The following TDRD3 variants were observed in gnomAD, a reference collection of about 807,000 sequenced individuals.
TDRD3 encodes tudor domain containing 3, also known as tudor domain-containing protein 3.
TDRD3 carries 45 observed loss-of-function variants against 86.7 expected under a neutral mutation model. The observed-to-expected ratio is 0.52, with a 90% confidence interval of 0.41 to 0.67. The LOEUF (loss-of-function observed/expected upper bound fraction) is 0.67, where lower values mean the gene tolerates loss of function less well. Ranked by LOEUF, TDRD3 falls within the 30% of genes least tolerant of loss-of-function variation. TDRD3 has a pLI of 0.00. For synonymous variants in TDRD3, 298 were observed against 301.7 expected (o/e 0.99, Z 0.13); for missense variants, 814 against 889.0 (o/e 0.92, Z 1.07).
At chr13:60,404,732 G>A (rs141617380) in intron 1 of TDRD3, among the ~76,000 whole-genome samples, 2,503 of 152,320 alleles carry the variant, frequency 0.016, 25 homozygotes, top group Middle Eastern at 0.048. Context: ...AGCCTCCTGA[G>A]TAGCTGGGAT....
intron 8 of TDRD3, among the ~76,000 whole-genome samples, chr13:60,494,948 A>T (rs867264687): frequency 6.6e-6 from 1 of 152,214 alleles, no homozygotes; most frequent in African/African-American, 2.4e-5. Flanking sequence ...TTTGGGAAGA[A>T]TATTGTGAAA....
chr13:60,398,225 T>C (rs1365313454), intron 1 of TDRD3, among the ~76,000 whole-genome samples: 1 of 152,028 alleles, frequency 6.6e-6, no homozygotes, highest in Non-Finnish European at 1.5e-5. Flanking sequence ...GGATGAAGGG[T>C]AGGAACGGGG....
At chr13:60,432,075 A>G (rs1415934034) in intron 1 of TDRD3, among the ~76,000 whole-genome samples, 6 of 152,042 alleles carry the variant, frequency 3.9e-5, no homozygotes. Flanking sequence ...ATATTAATAG[A>G]AGAGGTACTT....
At chr13:60,535,013 A>G (rs1957668386) in intron 11 of TDRD3, 95 bp from the exon 12 acceptor site, 1 of 1,421,012 alleles carries the variant, frequency 7.0e-7, no homozygotes. Context: ...AGAATATTAC[A>G]CATTGGAACA....
intron 10 of TDRD3, among the ~76,000 whole-genome samples, chr13:60,523,684 C>T (rs1396630320): frequency 2.0e-5 from 3 of 149,220 alleles, no homozygotes; most frequent in Non-Finnish European, 3.0e-5. Context: ...TCAAGCAATT[C>T]GCCTACCTCA....
At chr13:60,553,407 C>T (rs530422880) in intron 12 of TDRD3, among the ~76,000 whole-genome samples, 20 of 152,188 alleles carry the variant, frequency 1.3e-4, no homozygotes, top group African/African-American at 2.6e-4. Context: ...TTGTATCCTC[C>T]GCCTGTTACC....
At chr13:60,541,492 T>C (rs192293416) in intron 12 of TDRD3, among the ~76,000 whole-genome samples, 6 of 152,016 alleles carry the variant, frequency 3.9e-5, no homozygotes, top group Admixed American at 3.9e-4. Context: ...TTTTTTTTTG[T>C]ATACGTGAAT....
At chr13:60,412,667 G>A (rs1380768032) in intron 1 of TDRD3, among the ~76,000 whole-genome samples, 1 of 151,884 alleles carries the variant, frequency 6.6e-6, no homozygotes, top group Non-Finnish European at 1.5e-5. Flanking sequence ...TTGAATTGGT[G>A]TTATGAAACT....
intron 5 of TDRD3, among the ~76,000 whole-genome samples, chr13:60,479,514 A>G (rs925332803): frequency 2.6e-5 from 4 of 152,154 alleles, no homozygotes; most frequent in East Asian, 1.9e-4. Flanking sequence ...ATTAGGTCCA[A>G]TTGATTGGGT....
At chr13:60,464,833 C>G (rs1184554971) in intron 4 of TDRD3, among the ~76,000 whole-genome samples, 1 of 151,762 alleles carries the variant, frequency 6.6e-6, no homozygotes, top group Non-Finnish European at 1.5e-5. Flanking sequence ...TTAATGGGTA[C>G]AAAAATACAG....
chr13:60,519,747 T>C (rs1374884753), intron 10 of TDRD3, among the ~76,000 whole-genome samples: 1 of 152,204 alleles, frequency 6.6e-6, no homozygotes, highest in Non-Finnish European at 1.5e-5. Context: ...TTGTGTGACC[T>C]TGTCAAGCCT....
At chr13:60,490,242 A>G (rs970876620) in intron 7 of TDRD3, among the ~76,000 whole-genome samples, 3 of 152,116 alleles carry the variant, frequency 2.0e-5, no homozygotes, top group Non-Finnish European at 4.4e-5. Flanking sequence ...AAATAAGCAG[A>G]TTGCAATTTT....
chr13:60,427,509 T>G (rs890099576), intron 1 of TDRD3, among the ~76,000 whole-genome samples: 10 of 152,142 alleles, frequency 6.6e-5, no homozygotes, highest in African/African-American at 2.2e-4. Flanking sequence ...TGGAGTCGGC[T>G]TCGCACGTGT....
At chr13:60,415,252 T>G (rs1391151357) in intron 1 of TDRD3, among the ~76,000 whole-genome samples, 2 of 152,146 alleles carry the variant, frequency 1.3e-5, no homozygotes, top group East Asian at 1.9e-4. Flanking sequence ...TTTTTAGATT[T>G]GTGTTCTGAA....
chr13:60,476,611 G>C (rs1348124634), intron 5 of TDRD3, among the ~76,000 whole-genome samples: 3 of 152,010 alleles, frequency 2.0e-5, no homozygotes, highest in East Asian at 3.9e-4. Flanking sequence ...TTGATAGTTT[G>C]ATAGGAATAG....
At chr13:60,413,348 A>G (rs1954411568) in intron 1 of TDRD3, among the ~76,000 whole-genome samples, 1 of 152,158 alleles carries the variant, frequency 6.6e-6, no homozygotes. Flanking sequence ...GAGAAGCTGT[A>G]TGGCTGGTGT....
chr13:60,500,424 G>A (rs115213144), intron 8 of TDRD3, among the ~76,000 whole-genome samples: 1,742 of 152,222 alleles, frequency 0.011, 42 homozygotes, highest in African/African-American at 0.04. Context: ...GTGGCCTCAT[G>A]GGGAGTCCCT....
intron 10 of TDRD3, among the ~76,000 whole-genome samples, chr13:60,517,143 CTT>C (rs1957190213): frequency 6.6e-6 from 1 of 150,816 alleles, no homozygotes. Context: ...AGTTGCAGAT[CTT>C]TGATAGTTCA....
At chr13:60,419,142 G>A (rs1467791818) in intron 1 of TDRD3, among the ~76,000 whole-genome samples, 1 of 152,202 alleles carries the variant, frequency 6.6e-6, no homozygotes, top group Non-Finnish European at 1.5e-5. Flanking sequence ...TATTTCCAAA[G>A]TGGGTGTGAC....
Sources: allele counts gnomAD v4.1 joint callset (sites outside exome capture counted in the v4.1 genomes callset), GRCh38; gene constraint gnomAD v4.1.1; transcripts MANE v1.5; gene names NCBI Gene and HGNC (gene_info 2026-07-23, HGNC 2026-07-21).